The following MGST1 variants were observed in gnomAD, a reference collection of about 807,000 sequenced individuals.
MGST1 encodes microsomal glutathione S-transferase 1, also known as glutathione S-transferase 12.
MGST1 carries 5 observed loss-of-function variants against 8.9 expected under a neutral mutation model. The ratio of observed to expected loss-of-function variants is 0.56; its 90% CI spans 0.29 to 1.19. The LOEUF (loss-of-function observed/expected upper bound fraction) is 1.19, where lower values mean the gene tolerates loss of function less well. MGST1 is among the 50% of genes most tolerant of loss of function. MGST1 has a pLI of 0.08. For synonymous variants in MGST1, 54 were observed against 67.8 expected, an observed-to-expected ratio of 0.80 and a Z score of 1.00; for missense variants, 182 against 187.4, an observed-to-expected ratio of 0.97 and a Z score of 0.17.
At chr12:16,348,430 A>T (rs1939297576) in intron 1 of MGST1, among the ~76,000 whole-genome samples, 1 of 152,136 alleles carries the variant, frequency 6.6e-6, no homozygotes, top group African/African-American at 2.4e-5. Context: ...CTTTTTCGGG[A>T]ATTAAGGTGT....
chr12:16,567,571 A>G (rs1479942461), intron 4 of MGST1: 2 of 144,022 alleles, frequency 1.4e-5, no homozygotes, highest in Non-Finnish European at 3.1e-5. Flanking sequence ...TCATCGTGGG[A>G]TGATGTTAGA....
intron 1 of MGST1, among the ~76,000 whole-genome samples, chr12:16,415,073 A>G (rs1429935109): frequency 6.6e-6 from 1 of 152,190 alleles, no homozygotes; most frequent in Non-Finnish European, 1.5e-5. Flanking sequence ...CATGTATTGT[A>G]GGTCAAAACA....
intron 1 of MGST1, among the ~76,000 whole-genome samples, chr12:16,396,591 C>T (rs1673018222): frequency 6.6e-6 from 1 of 152,122 alleles, no homozygotes; most frequent in Non-Finnish European, 1.5e-5. Flanking sequence ...AGCAAAGTTT[C>T]AGGACACAAA....
intron 4 of MGST1, among the ~76,000 whole-genome samples, chr12:16,527,381 T>C (rs922401787): frequency 7.9e-5 from 12 of 152,008 alleles, no homozygotes; most frequent in African/African-American, 2.9e-4. Flanking sequence ...CATTATGTCT[T>C]ACACTAACAT....
intron 1 of MGST1, among the ~76,000 whole-genome samples, chr12:16,411,199 C>G (rs906423294): frequency 6.6e-6 from 1 of 152,148 alleles, no homozygotes; most frequent in Admixed American, 6.6e-5. Context: ...CATGTAGGCT[C>G]TAAGCTGCAT....
Position 16,410,153 on chromosome 12 carries a change from G to A in MGST1, n.778+26549G>A, listed in dbSNP as rs1037958555. 1.3e-5 allele frequency among the ~76,000 whole-genome samples: 2 copies of A among 152,082 alleles called. No homozygotes were observed. The highest frequency in any genetic ancestry group is 2.9e-5 in the Non-Finnish European group (2 of 68,016). On this transcript the variant is annotated intron_variant and non_coding_transcript_variant, in intron 1 of 1. Transcript: ENST00000359720. The surrounding 1 kb of genome is among the most constrained non-coding windows in gnomAD (Gnocchi z 4.4). ...TGTCAGGTTCAGCAAATGTCACAGG[G>A]TCAAAGTGGTTATAGTGCTATGCTT...
chr12:16,560,304 C>G lies in MGST1; in HGVS notation n.483-29224C>G, dbSNP rs570981354. The G allele has an allele frequency of 8.1e-7, 1 of 1,241,234 alleles. No homozygotes were observed. The highest frequency in any genetic ancestry group is 2.4e-5 in the Admixed American group (1 of 42,242). 76.9% of individuals were successfully genotyped at this position (1,241,234 alleles called of 1,614,324 possible). A position where few individuals can be genotyped will look rare whatever the true frequency, so the allele number is the denominator to read the frequency against. On this transcript the variant is annotated intron_variant and non_coding_transcript_variant, in intron 4 of 4. Coordinates refer to the MGST1 transcript ENST00000538857. This position sits in a 1 kb window ranked among gnomAD's most constrained non-coding sequence, Gnocchi z 5.0. ...GATTAAAGTTTACAGAACAGAAAAA[C>G]GCTGAGATTGATTGCTTTAAATGTA...
chr12:16,419,189 C>A (rs1006122346), intron 1 of MGST1, among the ~76,000 whole-genome samples: 2 of 152,138 alleles, frequency 1.3e-5, no homozygotes, highest in Non-Finnish European at 2.9e-5. Flanking sequence ...AGGGATCTAA[C>A]CATGAATTTT....
At chr12:16,476,163 T>A (rs925438891) in intron 4 of MGST1, among the ~76,000 whole-genome samples, 1 of 152,048 alleles carries the variant, frequency 6.6e-6, no homozygotes, top group Non-Finnish European at 1.5e-5. Context: ...AGCCAAAGAC[T>A]AAGAAAGGTG....
At chr12:16,578,292 C>G (rs757632414) in intron 4 of MGST1, among the ~76,000 whole-genome samples, 3 of 152,098 alleles carry the variant, frequency 2.0e-5, no homozygotes, top group Non-Finnish European at 2.9e-5. Flanking sequence ...ATAAACTACT[C>G]AAGTTTGAGA....
At position 16,410,728 on chromosome 12, in the gene MGST1, T is replaced by G. The variant is rs1227323236; in HGVS notation, n.779-26660T>G. Among the ~76,000 whole-genome samples, 1 of 149,184 alleles carries G rather than the reference T, an allele frequency of 6.7e-6. No individual in the cohort carries two copies. Among genetic ancestry groups the G allele is most frequent in the Non-Finnish European group, 1.5e-5 (1 of 67,458 alleles). On this transcript the variant is annotated intron_variant and non_coding_transcript_variant, in intron 1 of 1. Coordinates refer to the MGST1 transcript ENST00000359720. The surrounding 1 kb of genome is among the most constrained non-coding windows in gnomAD (Gnocchi z 4.4). ...AAATATATAATCAAATATTCAAATA[T>G]ACTCAAATGTATATGTTTGATTATA...
intron 4 of MGST1, among the ~76,000 whole-genome samples, chr12:16,463,835 G>A (rs2137127706): frequency 6.6e-6 from 1 of 152,108 alleles, no homozygotes; most frequent in South Asian, 2.1e-4. Flanking sequence ...CTGCCTCTTG[G>A]TCAATAACTA....
chr12:16,376,072 A>C (rs771645871), intron 3 of MGST1: 1 of 1,235,794 alleles, frequency 8.1e-7, no homozygotes, highest in African/African-American at 1.5e-5. Context: ...ACGTGTGTGT[A>C]TATAGTCTTT....
rs1005408044 is a variant in MGST1, at chr12:16,544,141, C to T, written n.483-45387C>T. On this transcript the variant is annotated intron_variant and non_coding_transcript_variant, in intron 4 of 4. Transcript: ENST00000538857. The surrounding 1 kb of genome is among the most constrained non-coding windows in gnomAD (Gnocchi z 4.8). Reference sequence around the variant, plus strand: ...TGTGCTGCACTGCGTTTTTCTCATGCCTTTTATTTTTGGATTTCTGGTTTT... The same window carrying T: ...TGTGCTGCACTGCGTTTTTCTCATGTCTTTTATTTTTGGATTTCTGGTTTT... Among the ~76,000 whole-genome samples, 3 of 150,754 alleles carry T rather than the reference C, an allele frequency of 2.0e-5. No homozygotes were observed. Among genetic ancestry groups the T allele is most frequent in the African/African-American group, 7.3e-5 (3 of 41,002 alleles).
Position 16,449,219 on chromosome 12 carries a change from G to T in MGST1, n.482+65615G>T, listed in dbSNP as rs1941108773. On this transcript the variant is annotated intron_variant and non_coding_transcript_variant, in intron 4 of 4. Transcript: ENST00000538857. ...TATTTGCTTCTCGTGAGGGTCTCAG[G>T]GGACTTACAATCATGGCAGAAGGTA... 3.3e-5 allele frequency among the ~76,000 whole-genome samples: 5 copies of T among 151,822 alleles called. No homozygotes were observed. In the South Asian group the frequency reaches 1.0e-3, roughly 32 times the overall value.
chr12:16,435,314 T>A (rs1458897881), intron 1 of MGST1, among the ~76,000 whole-genome samples: 1 of 152,002 alleles, frequency 6.6e-6, no homozygotes, highest in African/African-American at 2.4e-5. Context: ...ATTCACAATT[T>A]TCCTAGATTT....
intron 1 of MGST1, among the ~76,000 whole-genome samples, chr12:16,423,112 C>G (rs899100223): frequency 2.6e-5 from 4 of 152,302 alleles, no homozygotes; most frequent in Admixed American, 2.6e-4. Flanking sequence ...TAACCTGGAG[C>G]AATCAGAGGG....
chr12:16,394,513 C>CCTTT lies in MGST1; in HGVS notation n.778+10969_778+10972dup, dbSNP rs766001588. 9.8e-3 allele frequency among the ~76,000 whole-genome samples: 826 copies of CCTTT among 84,406 alleles called. 12 individuals carry two copies. Among genetic ancestry groups the CCTTT allele is most frequent in the African/African-American group, 0.029 (607 of 20,898 alleles). The allele number at this position is 84,406 out of a possible 152,430, so 55.4% of individuals were successfully genotyped here. A position where few individuals can be genotyped will look rare whatever the true frequency, so the allele number is the denominator to read the frequency against. On this transcript the variant is annotated intron_variant and non_coding_transcript_variant, in intron 1 of 1. Transcript: ENST00000359720. ...TTCTTTCTTTCTCTCTCTTTCTCTC[C>CCTTT]CTTTCTTTCTTTCTTTCTTTCTTTC...
chr12:16,437,200 A>G (rs1485395017), intron 1 of MGST1, among the ~76,000 whole-genome samples: 2 of 151,940 alleles, frequency 1.3e-5, no homozygotes, highest in Non-Finnish European at 2.9e-5. Flanking sequence ...AAGAAATGCT[A>G]TGAACTAAAG....
Sources: allele counts gnomAD v4.1 joint callset (sites outside exome capture counted in the v4.1 genomes callset), GRCh38; gene constraint gnomAD v4.1.1; non-coding constraint Gnocchi (gnomAD v3.1); transcripts MANE v1.5; gene names NCBI Gene and HGNC (gene_info 2026-07-23, HGNC 2026-07-21).